SPOCK1: variants seen among roughly 807,000 people sequenced by gnomAD.
SPOCK1 encodes testican-1.
A neutral mutation model predicts 55.3 loss-of-function variants in SPOCK1; 23 were observed. That is an observed-to-expected ratio of 0.42 (90% CI 0.30 to 0.59). The LOEUF is 0.59. Ranked by LOEUF, SPOCK1 falls within the 20% of genes least tolerant of loss-of-function variation. The pLI is 0.22. For synonymous variants in SPOCK1, 226 were observed against 221.0 expected (o/e 1.02, Z -0.20); for missense variants, 499 against 552.5 (o/e 0.90, Z 0.97).
chr5:137,466,004 A>C (rs1753613680), intron 2 of SPOCK1, among the ~76,000 whole-genome samples: 1 of 152,236 alleles, frequency 6.6e-6, no homozygotes, highest in Admixed American at 6.5e-5. Context: ...AGATCTACAA[A>C]TAAATGAGAT....
intron 2 of SPOCK1, among the ~76,000 whole-genome samples, chr5:137,444,618 T>C (rs1047188818): frequency 3.9e-5 from 6 of 152,146 alleles, no homozygotes; most frequent in African/African-American, 1.4e-4. Context: ...CCGGACTCAC[T>C]CTGCTTCCTG....
intron 2 of SPOCK1, among the ~76,000 whole-genome samples, chr5:137,484,438 A>G (rs1291165776): frequency 1.3e-5 from 2 of 152,188 alleles, no homozygotes; most frequent in Non-Finnish European, 2.9e-5. Flanking sequence ...ATTCCTCCCA[A>G]TCGGGACTCT....
intron 2 of SPOCK1, among the ~76,000 whole-genome samples, chr5:137,293,106 T>C (rs1160515594): frequency 6.8e-6 from 1 of 147,524 alleles, no homozygotes; most frequent in Admixed American, 6.7e-5. Context: ...TTTTTTTTTT[T>C]TTTTTTTTTT....
chr5:137,241,548 G>T (rs577486085), intron 3 of SPOCK1, among the ~76,000 whole-genome samples: 14 of 152,290 alleles, frequency 9.2e-5, no homozygotes, highest in African/African-American at 3.4e-4. Context: ...AACAGTGTTG[G>T]GAGGTGGAGC....
intron 2 of SPOCK1, among the ~76,000 whole-genome samples, chr5:137,433,672 C>T (rs1451099791): frequency 6.6e-6 from 1 of 152,142 alleles, no homozygotes; most frequent in Non-Finnish European, 1.5e-5. Flanking sequence ...CAGGCCAGTC[C>T]TAACCTCCCA....
intron 2 of SPOCK1, among the ~76,000 whole-genome samples, chr5:137,267,816 A>G (rs1208824530): frequency 3.9e-5 from 6 of 152,168 alleles, no homozygotes; most frequent in Admixed American, 2.6e-4. Context: ...TATTCTCCCC[A>G]TCAGCACTTT....
At chr5:137,231,921 T>G (rs191429467) in intron 3 of SPOCK1, among the ~76,000 whole-genome samples, 1 of 152,252 alleles carries the variant, frequency 6.6e-6, no homozygotes, top group African/African-American at 2.4e-5. Context: ...TCTAGTGATA[T>G]CCCACTGTTA....
intron 2 of SPOCK1, among the ~76,000 whole-genome samples, chr5:137,334,658 C>T (rs1750201089): frequency 6.6e-6 from 1 of 152,136 alleles, no homozygotes; most frequent in South Asian, 2.1e-4. Flanking sequence ...AAGCAATAAC[C>T]CAGGCTCTAA....
intron 2 of SPOCK1, among the ~76,000 whole-genome samples, chr5:137,463,493 C>T (rs9327791): frequency 8.2e-5 from 11 of 134,522 alleles, no homozygotes; most frequent in Non-Finnish European, 1.5e-4. Flanking sequence ...GATAGAGAGT[C>T]GAAAGATAGT....
chr5:137,317,547 C>T (rs566963008), intron 2 of SPOCK1, among the ~76,000 whole-genome samples: 19 of 152,298 alleles, frequency 1.2e-4, no homozygotes, highest in African/African-American at 4.1e-4. Context: ...GAAATTCTAA[C>T]GGTGTACACA....
At chr5:137,435,609 A>G (rs978168170) in intron 2 of SPOCK1, among the ~76,000 whole-genome samples, 6 of 152,186 alleles carry the variant, frequency 3.9e-5, no homozygotes, top group African/African-American at 7.2e-5. Flanking sequence ...AAGCCATCCT[A>G]TAAAATGTAT....
At chr5:137,275,950 C>T (rs1230785200) in intron 2 of SPOCK1, among the ~76,000 whole-genome samples, 1 of 152,318 alleles carries the variant, frequency 6.6e-6, no homozygotes, top group Admixed American at 6.5e-5. Context: ...AACATGGCCA[C>T]GTGCCCTAAC....
intron 2 of SPOCK1, among the ~76,000 whole-genome samples, chr5:137,275,419 G>A (rs1757047100): frequency 6.6e-6 from 1 of 152,232 alleles, no homozygotes; most frequent in African/African-American, 2.4e-5. Context: ...GGGATTGGCA[G>A]AAGCAGTGGT....
At chr5:137,399,564 A>T (rs985615948) in intron 2 of SPOCK1, among the ~76,000 whole-genome samples, 1 of 152,066 alleles carries the variant, frequency 6.6e-6, no homozygotes, top group African/African-American at 2.4e-5. Context: ...CATCGAAAAC[A>T]TTTATTCCAT....
intron 2 of SPOCK1, among the ~76,000 whole-genome samples, chr5:137,472,710 A>G (rs551303509): frequency 6.6e-6 from 1 of 152,380 alleles, no homozygotes; most frequent in East Asian, 1.9e-4. Context: ...GAACAACCCC[A>G]GTTTCCACCA....
chr5:137,162,730 G>A (rs573748755), intron 3 of SPOCK1, among the ~76,000 whole-genome samples: 1 of 152,262 alleles, frequency 6.6e-6, no homozygotes, highest in South Asian at 2.1e-4. Context: ...CACAAGATGT[G>A]CTGGGAGAAG....
chr5:137,356,768 G>T (rs575950293), intron 2 of SPOCK1, among the ~76,000 whole-genome samples: 55 of 132,198 alleles, frequency 4.2e-4, no homozygotes, highest in African/African-American at 1.5e-3. Context: ...TCCATTCTGG[G>T]CAATAGAGCA....
intron 2 of SPOCK1, among the ~76,000 whole-genome samples, chr5:137,343,468 G>C (rs910118180): frequency 6.6e-6 from 1 of 152,152 alleles, no homozygotes; most frequent in Admixed American, 6.5e-5. Flanking sequence ...GCCCCAAGAA[G>C]GGCAGACGCT....
intron 2 of SPOCK1, among the ~76,000 whole-genome samples, chr5:137,483,836 G>A (rs1264243852): frequency 3.9e-5 from 6 of 152,158 alleles, no homozygotes; most frequent in Admixed American, 3.9e-4. Flanking sequence ...GGCCTGCAGA[G>A]AACTCCCAAA....
Sources: gnomAD v4.1 joint callset for allele counts (sites outside exome capture counted in the v4.1 genomes callset) on GRCh38, gnomAD v4.1.1 for gene constraint, MANE v1.5 for transcripts, NCBI Gene and HGNC (gene_info 2026-07-23, HGNC 2026-07-21) for gene names.